Variants in AIG1 observed in about 807,000 individuals in gnomAD.
The protein encoded by AIG1 is androgen-induced gene 1 protein.
In AIG1, 23 loss-of-function variants were observed where a neutral mutation model predicts 31.4. That is an observed-to-expected ratio of 0.73 (90% CI 0.53 to 1.04). AIG1 has a LOEUF of 1.04. Among genes scored for constraint, AIG1 ranks in the 50% least tolerant of loss-of-function variants. AIG1 has a pLI of 0.00. For synonymous variants in AIG1, 100 were observed against 110.5 expected, an observed-to-expected ratio of 0.90 and a Z score of 0.60; for missense variants, 274 against 295.0, an observed-to-expected ratio of 0.93 and a Z score of 0.52.
intron 3 of AIG1, among the ~76,000 whole-genome samples, chr6:143,183,226 T>A (rs181630610): frequency 8.5e-4 from 126 of 148,332 alleles, no homozygotes; most frequent in Non-Finnish European, 1.7e-3. Flanking sequence ...AGACGGAGTC[T>A]CGCTCTGTCG....
At chr6:143,159,942 A>G (rs1786176328) in intron 2 of AIG1, among the ~76,000 whole-genome samples, 1 of 152,250 alleles carries the variant, frequency 6.6e-6, no homozygotes, top group South Asian at 2.1e-4. Flanking sequence ...TTGACTGGAA[A>G]GTAAGTTATG....
At chr6:143,243,945 C>T (rs1211997791) in intron 3 of AIG1, among the ~76,000 whole-genome samples, 1 of 152,178 alleles carries the variant, frequency 6.6e-6, no homozygotes, top group African/African-American at 2.4e-5. Context: ...CATCAAAATC[C>T]TTCTCACCTC....
At chr6:143,167,838 A>C (rs1159975194) in intron 3 of AIG1, among the ~76,000 whole-genome samples, 1 of 152,214 alleles carries the variant, frequency 6.6e-6, no homozygotes, top group East Asian at 1.9e-4. Context: ...TTGTGTCCTA[A>C]TAGTGATAAA....
rs768181714 is a variant in AIG1, at chr6:143,330,004, G to GT, written c.516-3270dup. On this transcript the variant is annotated intron_variant, in intron 4 of 5. Coordinates refer to ENST00000357847, the MANE Select transcript of AIG1 (RefSeq NM_016108.4). The surrounding 1 kb of genome is among the most constrained non-coding windows in gnomAD (Gnocchi z 4.4). ...GACAAAAAGCATAAAGATTTTGGAG[G>GT]TTTTTTTTGAGATTAAAAAAAATTC... Among the ~76,000 whole-genome samples the GT allele has an allele frequency of 3.4e-4, 51 of 151,792 alleles. No homozygotes were observed. The highest frequency in any genetic ancestry group is 6.2e-4 in the Non-Finnish European group (42 of 67,940).
intron 3 of AIG1, among the ~76,000 whole-genome samples, chr6:143,234,258 C>A (rs895602601): frequency 1.3e-5 from 2 of 152,150 alleles, no homozygotes; most frequent in Non-Finnish European, 2.9e-5. Context: ...TAAAAGATTT[C>A]TTTTTATAAT....
intron 3 of AIG1, among the ~76,000 whole-genome samples, chr6:143,250,646 C>A (rs115301115): frequency 6.6e-6 from 1 of 152,020 alleles, no homozygotes; most frequent in Non-Finnish European, 1.5e-5. Flanking sequence ...GGGGCAGAGG[C>A]AGGATGACCA....
chr6:143,287,375 G>C (rs1199354213), intron 4 of AIG1, among the ~76,000 whole-genome samples: 2 of 152,182 alleles, frequency 1.3e-5, no homozygotes. Flanking sequence ...ATTTTACAGG[G>C]AAGTATGCTG....
At chr6:143,113,671 C>T (rs577192622) in intron 1 of AIG1, among the ~76,000 whole-genome samples, 15 of 152,042 alleles carry the variant, frequency 9.9e-5, no homozygotes, top group African/African-American at 2.9e-4. Flanking sequence ...CTGTCCCTTA[C>T]GCTATGAAAC....
At chr6:143,316,776 A>G (rs187965134) in intron 4 of AIG1, among the ~76,000 whole-genome samples, 1 of 152,280 alleles carries the variant, frequency 6.6e-6, no homozygotes, top group African/African-American at 2.4e-5. Flanking sequence ...TAACCAAGAA[A>G]AGAATAGGGA....
At position 143,085,864 on chromosome 6, in the gene AIG1, C is replaced by T. The variant is rs150709199; in HGVS notation, c.141+24798C>T. On this transcript the variant is annotated intron_variant, in intron 1 of 5. Coordinates refer to ENST00000357847, the MANE Select transcript of AIG1 (RefSeq NM_016108.4). Reference sequence around the variant, plus strand: ...GAAGGGAGTTCCTCCTAGGTCTGGTCGGACCTTTGTATGGTAATTAAGATT... The same window carrying T: ...GAAGGGAGTTCCTCCTAGGTCTGGTTGGACCTTTGTATGGTAATTAAGATT... 4.1e-3 allele frequency among the ~76,000 whole-genome samples: 623 copies of T among 152,284 alleles called. 7 individuals are homozygous for T. Among genetic ancestry groups the T allele is most frequent in the African/African-American group, 0.014 (597 of 41,552 alleles).
intron 3 of AIG1, among the ~76,000 whole-genome samples, chr6:143,172,666 G>C (rs1787751258): frequency 6.6e-6 from 1 of 152,176 alleles, no homozygotes; most frequent in Non-Finnish European, 1.5e-5. Context: ...TTGAATGGCT[G>C]ATAGAATTTA....
intron 3 of AIG1, among the ~76,000 whole-genome samples, chr6:143,182,931 T>A (rs1232562696): frequency 6.6e-6 from 1 of 152,244 alleles, no homozygotes; most frequent in East Asian, 1.9e-4. Context: ...ATTTTCTAAC[T>A]TGTATTTAAC....
chr6:143,124,282 C>T (rs571712365), intron 1 of AIG1, among the ~76,000 whole-genome samples: 2 of 152,350 alleles, frequency 1.3e-5, no homozygotes, highest in South Asian at 2.1e-4. Context: ...CTGTTTTCAG[C>T]TGCTGCCCCA....
chr6:143,259,657 T>C (rs894315558), intron 3 of AIG1, among the ~76,000 whole-genome samples: 7 of 152,208 alleles, frequency 4.6e-5, no homozygotes, highest in African/African-American at 1.4e-4. Context: ...TTCTCATTCC[T>C]TGCGTGCTCA....
intron 1 of AIG1, among the ~76,000 whole-genome samples, chr6:143,075,871 A>G (rs1777686961): frequency 6.6e-6 from 1 of 152,082 alleles, no homozygotes; most frequent in Admixed American, 6.6e-5. Flanking sequence ...TGTACACTAT[A>G]TTTTTTTACA....
intron 3 of AIG1, among the ~76,000 whole-genome samples, chr6:143,182,354 G>A (rs935841446): frequency 5.3e-5 from 8 of 152,058 alleles, no homozygotes; most frequent in African/African-American, 1.9e-4. Context: ...TTAGTGCCTG[G>A]TATAGTGCCT....
At chr6:143,183,289 T>C (rs1457602959) in intron 3 of AIG1, among the ~76,000 whole-genome samples, 3 of 149,112 alleles carry the variant, frequency 2.0e-5, no homozygotes, top group African/African-American at 7.4e-5. Context: ...TCCAACTCCC[T>C]GGTTCAAGTG....
intron 3 of AIG1, among the ~76,000 whole-genome samples, chr6:143,283,732 T>C (rs769740488): frequency 6.6e-6 from 1 of 152,230 alleles, no homozygotes; most frequent in African/African-American, 2.4e-5. Context: ...ACACACAGTA[T>C]GATATTAACT....
chr6:143,101,212 T>G (rs142993162), intron 1 of AIG1, among the ~76,000 whole-genome samples: 1 of 152,062 alleles, frequency 6.6e-6, no homozygotes, highest in Non-Finnish European at 1.5e-5. Flanking sequence ...AATGAGGTAA[T>G]GAGGTGGCGC....
Sources: allele counts gnomAD v4.1 joint callset (sites outside exome capture counted in the v4.1 genomes callset), GRCh38; gene constraint gnomAD v4.1.1; non-coding constraint Gnocchi (gnomAD v3.1); transcripts MANE v1.5; gene names NCBI Gene and HGNC (gene_info 2026-07-23, HGNC 2026-07-21).